GRIP1: variants seen among roughly 807,000 people sequenced by gnomAD.
The protein encoded by GRIP1 is glutamate receptor interacting protein 1, also known as glutamate receptor-interacting protein 1.
A neutral mutation model predicts 129.9 loss-of-function variants in GRIP1; 45 were observed. The ratio of observed to expected loss-of-function variants is 0.35; its 90% CI spans 0.27 to 0.44. The LOEUF (loss-of-function observed/expected upper bound fraction) is 0.44, where lower values mean the gene tolerates loss of function less well. Among genes scored for constraint, GRIP1 ranks in the 20% least tolerant of loss-of-function variants. The pLI is 1.00. For missense variants in GRIP1, 1,196 were observed against 1,396.8 expected, an observed-to-expected ratio of 0.86 and a Z score of 2.29; for synonymous variants, 530 against 520.8, an observed-to-expected ratio of 1.02 and a Z score of -0.24.
intron 1 of GRIP1, among the ~76,000 whole-genome samples, chr12:66,933,744 CA>C (rs2041438954): frequency 6.6e-6 from 1 of 152,252 alleles, no homozygotes; most frequent in East Asian, 1.9e-4. Context: ...TTATTCATGT[CA>C]AGCTGGAATT....
At chr12:66,930,039 T>TTC (rs1248824999) in intron 1 of GRIP1, among the ~76,000 whole-genome samples, 19 of 143,410 alleles carry the variant, frequency 1.3e-4, no homozygotes, top group Admixed American at 6.9e-4. Flanking sequence ...GTTACCCAGG[T>TTC]TCTCTCTCTC....
intron 1 of GRIP1, among the ~76,000 whole-genome samples, chr12:66,625,839 C>T (rs2029950525): frequency 6.6e-6 from 1 of 152,060 alleles, no homozygotes; most frequent in South Asian, 2.1e-4. Flanking sequence ...GCAAGTGTCT[C>T]CCATGTAGCA....
At chr12:66,865,723 G>A (rs561571622) in intron 1 of GRIP1, among the ~76,000 whole-genome samples, 86 of 152,004 alleles carry the variant, frequency 5.7e-4, no homozygotes, top group African/African-American at 2.0e-3. Context: ...AATCTTCAGA[G>A]TGAAACAAAT....
intron 2 of GRIP1, among the ~76,000 whole-genome samples, chr12:66,556,400 A>G (rs2062335204): frequency 6.6e-6 from 1 of 152,166 alleles, no homozygotes; most frequent in African/African-American, 2.4e-5. Context: ...TTCCATGAGC[A>G]CCAGACCTGT....
chr12:67,024,504 T>G (rs2042912979), intron 1 of GRIP1, among the ~76,000 whole-genome samples: 1 of 152,154 alleles, frequency 6.6e-6, no homozygotes, highest in African/African-American at 2.4e-5. Context: ...CTTACTGGTT[T>G]TCTGATCCTA....
chr12:66,543,710 T>C (rs141330771), intron 2 of GRIP1, among the ~76,000 whole-genome samples: 1 of 152,202 alleles, frequency 6.6e-6, no homozygotes, highest in South Asian at 2.1e-4. Flanking sequence ...ATGACATAGA[T>C]GATGACCGTT....
At chr12:66,399,502 T>C (rs1468520810) in intron 16 of GRIP1, among the ~76,000 whole-genome samples, 1 of 151,962 alleles carries the variant, frequency 6.6e-6, no homozygotes, top group Non-Finnish European at 1.5e-5. Context: ...CCTAAGCAGA[T>C]GTTAATGATA....
intron 24 of GRIP1, among the ~76,000 whole-genome samples, chr12:66,352,100 A>G (rs903588): frequency 1.2e-3 from 178 of 152,312 alleles, no homozygotes; most frequent in African/African-American, 4.0e-3. Context: ...ATGTGACAGC[A>G]TTGTTCTTGG....
At chr12:66,884,166 A>G (rs138336024) in intron 1 of GRIP1, among the ~76,000 whole-genome samples, 1 of 152,368 alleles carries the variant, frequency 6.6e-6, no homozygotes, top group African/African-American at 2.4e-5. Flanking sequence ...GGAAATGCAG[A>G]GCAAAAGGCT....
At chr12:66,836,523 C>CTTAAATTGA (rs1447071973) in intron 1 of GRIP1, among the ~76,000 whole-genome samples, 1 of 152,156 alleles carries the variant, frequency 6.6e-6, no homozygotes, top group Non-Finnish European at 1.5e-5. Context: ...ACCACCCTCC[C>CTTAAATTGA]TTAAATTGAT....
At chr12:66,965,549 T>TTGTC (rs2041984320) in intron 1 of GRIP1, among the ~76,000 whole-genome samples, 1 of 128,252 alleles carries the variant, frequency 7.8e-6, no homozygotes, top group Non-Finnish European at 1.6e-5. Context: ...AAAAGAAACA[T>TTGTC]TGTGTGTGTG....
intron 5 of GRIP1, among the ~76,000 whole-genome samples, chr12:66,520,892 A>T (rs918296466): frequency 3.9e-4 from 59 of 152,326 alleles, no homozygotes; most frequent in Non-Finnish European, 3.8e-4. Context: ...GTGATTCAAG[A>T]ACCTTCTCGT....
chr12:66,923,959 C>A (rs2041254321), intron 1 of GRIP1, among the ~76,000 whole-genome samples: 1 of 152,128 alleles, frequency 6.6e-6, no homozygotes, highest in Non-Finnish European at 1.5e-5. Context: ...ATTCTCCTGC[C>A]TCAGCCTCCC....
intron 11 of GRIP1, among the ~76,000 whole-genome samples, chr12:66,451,602 G>T (rs2058808631): frequency 6.6e-6 from 1 of 151,360 alleles, no homozygotes; most frequent in South Asian, 2.1e-4. Context: ...TAGAGACAGG[G>T]TTTCACCATG....
rs11300344 is a variant in GRIP1, at chr12:67,060,824, CAAAA to C, written c.58+8222_58+8225del. Among the ~76,000 whole-genome samples the C allele has an allele frequency of 2.3e-3, 242 of 104,740 alleles. 3 individuals carry two copies. The highest frequency in any genetic ancestry group is 7.9e-3 in the African/African-American group (223 of 28,156). The allele number at this position is 104,740 out of a possible 152,430, so 68.7% of individuals were successfully genotyped here. A position where few individuals can be genotyped will look rare whatever the true frequency, so the allele number is the denominator to read the frequency against. On this transcript the variant is annotated intron_variant, in intron 1 of 1. Coordinates refer to the GRIP1 transcript ENST00000643019. Reference sequence around the variant, plus strand: ...GGGCAACAAGAACGAAACTCCGTCTCAAAAAAAAAAAAAAAAAAAAATGTGTTGG... The same window carrying C: ...GGGCAACAAGAACGAAACTCCGTCTCAAAAAAAAAAAAAAAAATGTGTTGG...
rs1565690019 is a variant in GRIP1 at position 66,388,706 on chromosome 12, G to GGACTTC, written c.2464+3596_2464+3601dup. On this transcript the variant is annotated intron_variant, in intron 19 of 24. Transcript: ENST00000359742. ...TGGAACTGAGAATCAGCCCCTTGTG[G>GGACTTC]GACTTCCTTAAACATATCCCTTCTT... Among the ~76,000 whole-genome samples, 3 of 152,308 alleles carry GGACTTC rather than the reference G, an allele frequency of 2.0e-5. No individual in the cohort carries two copies. In the East Asian group the frequency reaches 5.8e-4, roughly 29 times the overall value.
At chr12:66,711,284 T>C (rs978447833) in intron 1 of GRIP1, among the ~76,000 whole-genome samples, 1 of 151,924 alleles carries the variant, frequency 6.6e-6, no homozygotes, top group Non-Finnish European at 1.5e-5. Context: ...ACAAACTTCT[T>C]AAAAATGAAT....
At position 66,693,149 on chromosome 12, in the gene GRIP1, C is replaced by A. The variant is rs866324355; in HGVS notation, c.-419-62813G>T. On this transcript the variant is annotated intron_variant, in intron 1 of 4. Coordinates refer to the GRIP1 transcript ENST00000538373. The stretch of plus-strand genomic sequence containing the variant: ...CTTAACATAGTATGTCCCAAGAGAG[C>A]CAGGTCATGAGCTTATGAATGACAG... 1.6e-4 allele frequency among the ~76,000 whole-genome samples: 24 copies of A among 150,884 alleles called. 1 individual carries two copies. Among genetic ancestry groups the A allele is most frequent in the Admixed American group, 7.9e-4 (12 of 15,252 alleles).
intron 1 of GRIP1, among the ~76,000 whole-genome samples, chr12:67,034,087 C>G (rs2043060016): frequency 6.6e-6 from 1 of 152,180 alleles, no homozygotes; most frequent in South Asian, 2.1e-4. Flanking sequence ...ACTCTTAATT[C>G]AAAACTTTTC....
Sources: allele counts gnomAD v4.1 joint callset (sites outside exome capture counted in the v4.1 genomes callset), GRCh38; gene constraint gnomAD v4.1.1; transcripts MANE v1.5; gene names NCBI Gene and HGNC (gene_info 2026-07-23, HGNC 2026-07-21).